SUPT16H: variants seen among roughly 807,000 people sequenced by gnomAD.
SUPT16H encodes the protein SPT16 homolog, facilitates chromatin remodeling subunit, also known as FACT complex subunit SPT16.
SUPT16H carries 24 observed loss-of-function variants against 136.2 expected under a neutral mutation model. The observed-to-expected ratio is 0.18, with a 90% CI of 0.13 to 0.25. The LOEUF is 0.25. Ranked by LOEUF, SUPT16H falls within the 10% of genes least tolerant of loss-of-function variation. The probability of loss-of-function intolerance (pLI) is 1.00; values close to 1 mark genes in which losing one functional copy is unlikely to be tolerated. For synonymous variants in SUPT16H, 415 were observed against 428.2 expected (o/e 0.97, Z 0.38); for missense variants, 623 against 1,270.2 (o/e 0.49, Z 7.74).
At chr14:21,370,611 CCTA>C in intron 3 of SUPT16H, 123 bp from the exon 4 acceptor site, 1 of 1,091,046 alleles carries the variant, frequency 9.2e-7, no homozygotes, top group Non-Finnish European at 1.3e-6. Context: ...CCCATCCCCA[CCTA>C]CTTTTTACTT....
At chr14:21,372,734 GAA>G in intron 2 of SUPT16H, 1 of 430,130 alleles carries the variant, frequency 2.3e-6, no homozygotes, top group Non-Finnish European at 4.5e-6. Context: ...ATAAGGAAAA[GAA>G]TATTTTGTTT....
At chr14:21,353,619 C>CA in intron 24 of SUPT16H, 54 bp from the exon 25 acceptor site, 1 of 1,606,370 alleles carries the variant, frequency 6.2e-7, no homozygotes, top group South Asian at 1.1e-5. Context: ...AATGGAACGA[C>CA]AGAGTTCTTA....
intron 6 of SUPT16H, among the ~76,000 whole-genome samples, chr14:21,368,778 G>A (rs1200512651): frequency 6.6e-6 from 1 of 152,176 alleles, no homozygotes; most frequent in Non-Finnish European, 1.5e-5. Flanking sequence ...TCTATGAATT[G>A]TGAGTTGTAA....
intron 4 of SUPT16H, among the ~76,000 whole-genome samples, 169 bp downstream of exon 4, chr14:21,370,167 G>A (rs1239614643): frequency 6.6e-6 from 1 of 152,082 alleles, no homozygotes; most frequent in Non-Finnish European, 1.5e-5. Context: ...GCAGATAGAA[G>A]AAAGGCAGGG....
At chr14:21,364,677 GTC>G in intron 10 of SUPT16H, 148 bp downstream of exon 10, 4 of 631,320 alleles carry the variant, frequency 6.3e-6, no homozygotes, top group Non-Finnish European at 1.1e-5. Context: ...CTGGGCTACA[GTC>G]TCTATTCCTA....
At chr14:21,379,969 G>C (rs1232113106) in intron 1 of SUPT16H, among the ~76,000 whole-genome samples, 1 of 152,164 alleles carries the variant, frequency 6.6e-6, no homozygotes, top group Non-Finnish European at 1.5e-5. Flanking sequence ...CTGAGTGTGA[G>C]TGGAAGTAAT....
chr14:21,383,588 G>A lies in SUPT16H; in HGVS notation c.66+274C>T, dbSNP rs756265122. On this transcript the variant is annotated intron_variant, in intron 1 of 25. Coordinates refer to ENST00000216297, the MANE Select transcript of SUPT16H (RefSeq NM_007192.4). ...GAGGGAAGGATGTTGCCTCTTCTAGGGCGGGAAGAGACTGCGAGAGGTGCT... is the reference window on the plus strand; with the variant it reads ...GAGGGAAGGATGTTGCCTCTTCTAGAGCGGGAAGAGACTGCGAGAGGTGCT... 2.0e-5 allele frequency: 14 copies of A among 699,278 alleles called. No individual in the cohort carries two copies. In the Admixed American group the frequency reaches 2.2e-4, roughly 11 times the overall value. The allele number at this position is 699,278 out of a possible 1,614,324, so 43.3% of individuals were successfully genotyped here.
intron 7 of SUPT16H, 147 bp downstream of exon 7, chr14:21,368,122 T>A (rs1247000448): frequency 5.4e-6 from 4 of 742,574 alleles, no homozygotes; most frequent in Non-Finnish European, 8.6e-6. Context: ...GGGGGCCTCA[T>A]TGCCCAGGCT....
At chr14:21,360,091 G>A (rs574848492) in intron 18 of SUPT16H, among the ~76,000 whole-genome samples, 41 of 152,168 alleles carry the variant, frequency 2.7e-4, no homozygotes, top group African/African-American at 9.9e-4. Context: ...ACAATGGCGC[G>A]ATCTCGGCTC....
intron 1 of SUPT16H, among the ~76,000 whole-genome samples, chr14:21,374,835 A>G (rs1886867410): frequency 6.6e-6 from 1 of 152,156 alleles, no homozygotes; most frequent in Admixed American, 6.5e-5. Context: ...TACCTAGGAG[A>G]TGAACTGCTG....
intron 10 of SUPT16H, among the ~76,000 whole-genome samples, chr14:21,364,175 T>C (rs557651219): frequency 4.1e-4 from 63 of 152,218 alleles, no homozygotes; most frequent in African/African-American, 1.3e-3. Flanking sequence ...TGTAAACTGC[T>C]TAGCTTATGA....
intron 19 of SUPT16H, among the ~76,000 whole-genome samples, chr14:21,358,763 G>A (rs1004859421): frequency 3.9e-5 from 6 of 152,228 alleles, no homozygotes; most frequent in Non-Finnish European, 7.3e-5. Flanking sequence ...TATCTCAGCA[G>A]ATACTTGAGT....
chr14:21,352,520 G>A lies in SUPT16H; in HGVS notation c.*153C>T, dbSNP rs1421061552. ...TCCTGGTGGGCCTGGAATTCCCCGAGTAGATTGGTCCACACAAATGGCCCC... is the reference window on the plus strand; with the variant it reads ...TCCTGGTGGGCCTGGAATTCCCCGAATAGATTGGTCCACACAAATGGCCCC... On this transcript the variant is annotated 3_prime_UTR_variant, in exon 26 of 26. Transcript: ENST00000216297. 4.0e-6 allele frequency: 5 copies of A among 1,239,360 alleles called. No homozygotes were observed. Among genetic ancestry groups the A allele is most frequent in the Non-Finnish European group, 5.6e-6 (5 of 891,592 alleles). 76.8% of individuals were successfully genotyped at this position (1,239,360 alleles called of 1,614,324 possible).
chr14:21,355,220 T>C (rs1054797335), intron 22 of SUPT16H, among the ~76,000 whole-genome samples: 1 of 151,890 alleles, frequency 6.6e-6, no homozygotes, highest in Non-Finnish European at 1.5e-5. Flanking sequence ...TTCAGCCGGG[T>C]GCGGTGGCTC....
chr14:21,359,007 G>C (rs1167863634), intron 19 of SUPT16H, among the ~76,000 whole-genome samples: 3 of 152,068 alleles, frequency 2.0e-5, no homozygotes, highest in African/African-American at 7.2e-5. Flanking sequence ...GCGTTTCACT[G>C]TGTTAGCCAG....
chr14:21,363,110 T>C lies in SUPT16H; in HGVS notation c.1435A>G (p.Lys479Glu). The stretch of plus-strand genomic sequence containing the variant: ...TCATTGAGTTGAGCCGCTAGTTCTT[T>C]CTGATGTGCTCTTCGCTTCTCTTCT... ...TAEEKRRAHQ[K>E]ELAAQLNEEA... Residue 479 changes from lysine to glutamate, a missense_variant, in exon 13 of 26, where the codon AAA (lysine) becomes GAA (glutamate). Physicochemically the swap from Lys to Glu is moderately conservative, Grantham distance 56. Coordinates refer to ENST00000216297, the MANE Select transcript of SUPT16H (RefSeq NM_007192.4). The C allele has an allele frequency of 3.7e-6, 6 of 1,613,948 alleles. No homozygotes were observed. The highest frequency in any genetic ancestry group is 5.1e-6 in the Non-Finnish European group (6 of 1,180,038).
intron 1 of SUPT16H, chr14:21,383,536 G>C: frequency 4.5e-6 from 3 of 662,216 alleles, no homozygotes; most frequent in Non-Finnish European, 8.2e-6. Flanking sequence ...CGGCAGGGGA[G>C]GGCAGCAAGA....
intron 23 of SUPT16H, among the ~76,000 whole-genome samples, chr14:21,354,187 A>G (rs1008387149): frequency 3.3e-5 from 5 of 152,230 alleles, no homozygotes; most frequent in Non-Finnish European, 7.3e-5. Context: ...AAATGCTAAG[A>G]AACTCATTGA....
At position 21,372,743 on chromosome 14, in the gene SUPT16H, G is replaced by A. The variant is rs551820636; in HGVS notation, c.159+595C>T. ...CTATACATAAGGAAAAGAATATTTT[G>A]TTTAACTCACTGTTACTTAGGTTTT... is the stretch of plus-strand genomic sequence containing the variant. On this transcript the variant is annotated intron_variant, in intron 2 of 25. Coordinates refer to ENST00000216297, the MANE Select transcript of SUPT16H (RefSeq NM_007192.4). 7 of 424,968 alleles carry A rather than the reference G, an allele frequency of 1.6e-5. No individual in the cohort carries two copies. In the East Asian group the frequency reaches 3.5e-4, roughly 21 times the overall value. 26.3% of individuals were successfully genotyped at this position (424,968 alleles called of 1,614,324 possible).
Sources: allele counts gnomAD v4.1 joint callset (sites outside exome capture counted in the v4.1 genomes callset), GRCh38; gene constraint gnomAD v4.1.1; transcripts MANE v1.5; gene names NCBI Gene and HGNC (gene_info 2026-07-23, HGNC 2026-07-21).